The following SPATA31A6 variants were observed in gnomAD, a reference collection of about 807,000 sequenced individuals.
SPATA31A6 encodes the protein spermatogenesis-associated protein 31A6.
In SPATA31A6, 9 loss-of-function variants were observed where a neutral mutation model predicts 11.9. That is an observed-to-expected ratio of 0.76 (90% CI 0.46 to 1.32). SPATA31A6 has a LOEUF of 1.32. Ranked by LOEUF, SPATA31A6 falls within the 40% of genes most tolerant of loss-of-function variation. The pLI, the probability that SPATA31A6 is intolerant of heterozygous loss-of-function variation, is 0.00. For synonymous variants in SPATA31A6, 314 were observed against 572.1 expected, an observed-to-expected ratio of 0.55 and a Z score of 6.44; for missense variants, 855 against 1,467.3, an observed-to-expected ratio of 0.58 and a Z score of 6.82.
rs775684120 is a variant in SPATA31A6, at chr9:42,187,389, G to A, written c.1687G>A (p.Asp563Asn). 4 of 1,532,134 alleles carry A rather than the reference G, an allele frequency of 2.6e-6. 1 individual carries two copies. The South Asian group carries it at 4.7e-5, about 18-fold the overall frequency. The allele number at this position is 1,532,134 out of a possible 1,614,324, so 94.9% of individuals were successfully genotyped here. ...ACCCTCTAGGGTCCAAAAATCTCAGGACGTCTTTAGTGTCTCCACTCCTAA... is the reference window on the plus strand; with the variant it reads ...ACCCTCTAGGGTCCAAAAATCTCAGAACGTCTTTAGTGTCTCCACTCCTAA... ...ALPSRVQKSQDVFSVSTPNLP... is the reference protein window; with the variant it reads ...ALPSRVQKSQNVFSVSTPNLP... Residue 563 changes from aspartate (D) to asparagine (N), a missense_variant, in exon 4 of 4, where the codon GAC (aspartate) becomes AAC (asparagine). Transcript: ENST00000332857.
Position 42,186,998 on chromosome 9 carries a change from G to A in SPATA31A6, c.1296G>A (p.Trp432Ter). 1 of 1,546,264 alleles carries A rather than the reference G, an allele frequency of 6.5e-7. No individual in the cohort carries two copies. The highest frequency in any genetic ancestry group is 1.1e-5 in the South Asian group (1 of 87,398). ...LHSESLVANA[W>*]VTDRSYTLQS... ...GCGAGTCCCTGGTGGCTAACGCCTG[G>A]GTAACTGACAGGTCTTATACTTTAC... The change falls in exon 4 of 4, where the codon TGG (tryptophan) becomes TGA (stop). Residue 432 changes from tryptophan (W) to a stop codon, truncating the protein, a stop_gained. Transcript: ENST00000332857. LOFTEE classifies it low-confidence loss of function (END_TRUNC).
chr9:42,184,562 C>T (rs1829409703), intron 1 of SPATA31A6, among the ~76,000 whole-genome samples: 1 of 124,464 alleles, frequency 8.0e-6, no homozygotes, highest in African/African-American at 3.5e-5. Flanking sequence ...TGGAGTCTCG[C>T]TCTGTGACGC....
In SPATA31A6 at chr9:42,187,082, T is replaced by C. The variant is rs1377286658; in HGVS notation, c.1380T>C (p.Thr460=). 2 of 1,544,268 alleles carry C rather than the reference T, an allele frequency of 1.3e-6. No homozygotes were observed. Among genetic ancestry groups the C allele is most frequent in the Non-Finnish European group, 1.8e-6 (2 of 1,138,964 alleles). ...MSNVCPIQRE[T]TMSPLLFQAQ... ...ATGTCTGCCCAATTCAAAGGGAGAC[T>C]ACAATGTCCCCACTGCTTTTCCAGG... is the stretch of plus-strand genomic sequence containing the variant. The change falls in exon 4 of 4, where the codon ACT becomes ACC. Residue 460 remains threonine (T), a synonymous_variant. Transcript: ENST00000332857.
In SPATA31A6 at chr9:42,186,766, C is replaced by A; in HGVS notation, c.1064C>A (p.Thr355Asn). 6.5e-7 allele frequency: 1 copy of A among 1,529,500 alleles called. No homozygotes were observed. Among genetic ancestry groups the A allele is most frequent in the Non-Finnish European group, 8.8e-7 (1 of 1,138,022 alleles). The allele number at this position is 1,529,500 out of a possible 1,614,324, so 94.7% of individuals were successfully genotyped here. Residue 355 changes from threonine (T) to asparagine (N), a missense_variant, in exon 4 of 4, where the codon ACC becomes AAC. Thr to Asn is a moderately conservative substitution (Grantham distance 65, BLOSUM62 0). Transcript: ENST00000332857. ...GTTGGATCATTTACAAATCAAATGA[C>A]CCCAGAAAAGCACTTAAATTCTTTG... is the stretch of plus-strand genomic sequence containing the variant. ...ENVGSFTNQM[T>N]PEKHLNSLGN...
In SPATA31A6 at chr9:42,187,260, G is replaced by T. The variant is rs1237279280; in HGVS notation, c.1558G>T (p.Ala520Ser). 2.6e-6 allele frequency: 4 copies of T among 1,542,294 alleles called. 1 individual carries two copies. In the Admixed American group the frequency reaches 7.0e-5, roughly 27 times the overall value. Residue 520 changes from alanine to serine, a missense_variant, in exon 4 of 4, where the codon GCT (alanine) becomes TCT (serine). Ala to Ser is a moderately conservative substitution (Grantham distance 99). Transcript: ENST00000332857. ...ATCCCTGATTAAGAACACTGGAGTA[G>T]CTTGCCCTGCATCGCAGAATAAAGT... ...FPSLIKNTGV[A>S]CPASQNKVQA... is the part of the protein sequence containing the mutation.
At chr9:42,183,974 T>C in intron 1 of SPATA31A6, 98 bp downstream of exon 1, 1 of 1,494,292 alleles carries the variant, frequency 6.7e-7, no homozygotes, top group Non-Finnish European at 9.0e-7. Context: ...CCTTCTATGA[T>C]GGGAAGTCTC....
rs764793245 is a variant in SPATA31A6 at position 42,183,722 on chromosome 9, G to A, written c.35G>A (p.Ser12Asn). The A allele has an allele frequency of 7.2e-6, 11 of 1,535,330 alleles. 4 individuals are homozygous for A. Among genetic ancestry groups the A allele is most frequent in the Non-Finnish European group, 7.0e-6 (8 of 1,138,314 alleles). The change falls in exon 1 of 4, where the codon AGT becomes AAT. Residue 12 changes from serine (S) to asparagine (N), a missense_variant. By Grantham distance (46) the Ser-to-Asn change is conservative. Coordinates refer to ENST00000332857, the MANE Select transcript of SPATA31A6 (RefSeq NM_001145196.1). ...ENLPFPLKLL[S>N]ASSLNAPSST... The stretch of plus-strand genomic sequence containing the variant: ...CTTCCCTTTCCTTTAAAATTACTTA[G>A]TGCCTCATCGCTAAACGCCCCCAGC...
chr9:42,187,081 C>T lies in SPATA31A6; in HGVS notation c.1379C>T (p.Thr460Ile). ...AATGTCTGCCCAATTCAAAGGGAGA[C>T]TACAATGTCCCCACTGCTTTTCCAG... is the stretch of plus-strand genomic sequence containing the variant. ...MSNVCPIQRETTMSPLLFQAQ... is the reference protein window; with the variant it reads ...MSNVCPIQREITMSPLLFQAQ... The change falls in exon 4 of 4, where the codon ACT (threonine) becomes ATT (isoleucine). Residue 460 changes from threonine to isoleucine, a missense_variant. Physicochemically the swap from Thr to Ile is moderately conservative, Grantham distance 89 (BLOSUM62 -1). Coordinates refer to ENST00000332857, the MANE Select transcript of SPATA31A6 (RefSeq NM_001145196.1). The T allele has an allele frequency of 1.7e-5, 27 of 1,544,368 alleles. 6 individuals carry two copies. The highest frequency in any genetic ancestry group is 2.4e-5 in the Non-Finnish European group (27 of 1,138,944).
intron 1 of SPATA31A6, among the ~76,000 whole-genome samples, chr9:42,184,722 G>C: frequency 7.4e-6 from 1 of 135,416 alleles, no homozygotes. Flanking sequence ...GTAGAGACGG[G>C]GTTTCACCAT....
rs762811181 is a variant in SPATA31A6, at chr9:42,183,706, C to G, written c.19C>G (p.Pro7Ala). ...TATTCACATGGAGAATCTTCCCTTT[C>G]CTTTAAAATTACTTAGTGCCTCATC... is the stretch of plus-strand genomic sequence containing the variant. MENLPFPLKLLSASSLN... is the reference protein window; with the variant it reads MENLPFALKLLSASSLN... The change falls in exon 1 of 4, where the codon CCT becomes GCT. Residue 7 changes from proline to alanine, a missense_variant. Transcript: ENST00000332857. 9.1e-6 allele frequency: 14 copies of G among 1,535,510 alleles called. 2 individuals carry two copies. Among genetic ancestry groups the G allele is most frequent in the Non-Finnish European group, 1.1e-5 (12 of 1,138,284 alleles).
Position 42,188,293 on chromosome 9 carries a change from G to C in SPATA31A6, c.2591G>C (p.Ser864Thr), listed in dbSNP as rs1223061192. ...DMFLRKPPMA[S>T]LRKQVLTKAS... ...TTCCTTAGAAAGCCACCAATGGCAA[G>C]TCTGAGAAAGCAGGTGCTGACCAAA... The change falls in exon 4 of 4, where the codon AGT (serine) becomes ACT (threonine). Residue 864 changes from serine (S) to threonine (T), a missense_variant. By Grantham distance (58) the Ser-to-Thr change is moderately conservative. Coordinates refer to ENST00000332857, the MANE Select transcript of SPATA31A6 (RefSeq NM_001145196.1). The C allele has an allele frequency of 3.3e-6, 2 of 600,034 alleles. 1 individual carries two copies. The highest frequency in any genetic ancestry group is 8.4e-5 in the East Asian group (2 of 23,878). The allele number at this position is 600,034 out of a possible 1,614,324, so 37.2% of individuals were successfully genotyped here. A position where few individuals can be genotyped will look rare whatever the true frequency, so the allele number is the denominator to read the frequency against.
At chr9:42,184,153 T>A (rs1350915764) in intron 1 of SPATA31A6, among the ~76,000 whole-genome samples, 1 of 137,840 alleles carries the variant, frequency 7.3e-6, no homozygotes, top group Non-Finnish European at 1.5e-5. Context: ...GTACCAGTCA[T>A]GAGACTGGGG....
chr9:42,187,688 C>A lies in SPATA31A6; in HGVS notation c.1986C>A (p.Asp662Glu). Residue 662 changes from aspartate to glutamate, a missense_variant, in exon 4 of 4, where the codon GAC (aspartate) becomes GAA (glutamate). Physicochemically the swap from Asp to Glu is conservative, Grantham distance 45 (BLOSUM62 2). Coordinates refer to ENST00000332857, the MANE Select transcript of SPATA31A6 (RefSeq NM_001145196.1). The part of the protein sequence containing the change: ...AQKVKFQLER[D>E]LCPHLGQILG... ...AGGTGAAGTTCCAGCTAGAGAGGGA[C>A]CTGTGCCCACATCTGGGGCAAATTC... 1 of 1,520,802 alleles carries A rather than the reference C, an allele frequency of 6.6e-7. No homozygotes were observed. The highest frequency in any genetic ancestry group is 1.2e-5 in the South Asian group (1 of 85,716). The allele number at this position is 1,520,802 out of a possible 1,614,324, so 94.2% of individuals were successfully genotyped here. A position where few individuals can be genotyped will look rare whatever the true frequency, so the allele number is the denominator to read the frequency against.
At position 42,183,880 on chromosome 9, in the gene SPATA31A6, A is replaced by G; in HGVS notation, c.189+4A>G. The G allele has an allele frequency of 6.5e-7, 1 of 1,529,858 alleles. No individual in the cohort carries two copies. Among genetic ancestry groups the G allele is most frequent in the Non-Finnish European group, 8.8e-7 (1 of 1,137,008 alleles). 94.8% of individuals were successfully genotyped at this position (1,529,858 alleles called of 1,614,324 possible). A position where few individuals can be genotyped will look rare whatever the true frequency, so the allele number is the denominator to read the frequency against. On this transcript the variant is annotated splice_donor_region_variant and intron_variant, in intron 1 of 3. Transcript: ENST00000332857. Reference sequence around the variant, plus strand: ...ACCATCGCCTGGGAAGAGAAAGGTAAGGAACCCTCAGTCCCGACCCACAGA... The same window carrying G: ...ACCATCGCCTGGGAAGAGAAAGGTAGGGAACCCTCAGTCCCGACCCACAGA...
At position 42,187,360 on chromosome 9, in the gene SPATA31A6, C is replaced by A. The variant is rs1829478423; in HGVS notation, c.1658C>A (p.Ala553Asp). Residue 553 changes from alanine to aspartate, a missense_variant, in exon 4 of 4, where the codon GCT (alanine) becomes GAT (aspartate). Transcript: ENST00000332857. ...AGGAAACAACTAGAAGGTAGGTTGG[C>A]TTTACCCTCTAGGGTCCAAAAATCT... ...LLRKQLEGRL[A>D]LPSRVQKSQD... 9.1e-6 allele frequency: 14 copies of A among 1,536,652 alleles called. 3 individuals carry two copies. The highest frequency in any genetic ancestry group is 1.2e-5 in the Non-Finnish European group (14 of 1,136,638).
In SPATA31A6 at chr9:42,189,371, C is replaced by T. The variant is rs541084737; in HGVS notation, c.3669C>T (p.His1223=). The change falls in exon 4 of 4, where the codon CAC becomes CAT. Residue 1223 remains histidine, a synonymous_variant. Transcript: ENST00000332857. The part of the protein sequence containing the change: ...LDKKMSLCHA[H]HASKVNQHKQ... ...AGAAAATGTCACTTTGCCATGCGCA[C>T]CATGCCTCGAAGGTAAATCAGCACA... The T allele has an allele frequency of 1.3e-6, 2 of 1,540,418 alleles. No homozygotes were observed. Among genetic ancestry groups the T allele is most frequent in the African/African-American group, 3.1e-5 (2 of 64,342 alleles).
At position 42,183,816 on chromosome 9, in the gene SPATA31A6, C is replaced by T. The variant is rs768714104; in HGVS notation, c.129C>T (p.Leu43=). The T allele has an allele frequency of 2.0e-6, 3 of 1,534,480 alleles. 1 individual carries two copies. Among genetic ancestry groups the T allele is most frequent in the Non-Finnish European group, 2.6e-6 (3 of 1,138,170 alleles). Reference sequence around the variant, plus strand: ...CCCTGGGGTTCTTCTTCCTATTACTCCCCTACTTATCTTACTTCCATTGTG... The same window carrying T: ...CCCTGGGGTTCTTCTTCCTATTACTTCCCTACTTATCTTACTTCCATTGTG... ...VFALGFFFLL[L]PYLSYFHCDD... is the part of the protein sequence containing the mutation. Residue 43 remains leucine (L), a synonymous_variant, in exon 1 of 4, where the codon CTC becomes CTT. Coordinates refer to ENST00000332857, the MANE Select transcript of SPATA31A6 (RefSeq NM_001145196.1).
At position 42,186,764 on chromosome 9, in the gene SPATA31A6, G is replaced by A. The variant is rs1196535574; in HGVS notation, c.1062G>A (p.Met354Ile). The part of the protein sequence containing the change: ...KENVGSFTNQ[M>I]TPEKHLNSLG... ...ATGTTGGATCATTTACAAATCAAAT[G>A]ACCCCAGAAAAGCACTTAAATTCTT... Residue 354 changes from methionine to isoleucine, a missense_variant, in exon 4 of 4, where the codon ATG (methionine) becomes ATA (isoleucine). Met to Ile is a conservative substitution (Grantham distance 10). Coordinates refer to ENST00000332857, the MANE Select transcript of SPATA31A6 (RefSeq NM_001145196.1). 1 of 1,529,158 alleles carries A rather than the reference G, an allele frequency of 6.5e-7. No individual in the cohort carries two copies. 94.7% of individuals were successfully genotyped at this position (1,529,158 alleles called of 1,614,324 possible).
Position 42,183,678 on chromosome 9 carries a change from GC to G in SPATA31A6, c.-8del. On this transcript the variant is annotated 5_prime_UTR_variant, in exon 1 of 4. Transcript: ENST00000332857. Reference sequence around the variant, plus strand: ...GAGCTCAGTTGCTTGAAAGCAACGTGCCTATTCACATGGAGAATCTTCCCTT... The same window carrying G: ...GAGCTCAGTTGCTTGAAAGCAACGTGCTATTCACATGGAGAATCTTCCCTT... 1 of 1,529,996 alleles carries G rather than the reference GC, an allele frequency of 6.5e-7. No individual in the cohort carries two copies. The highest frequency in any genetic ancestry group is 1.2e-5 in the South Asian group (1 of 86,444). The allele number at this position is 1,529,996 out of a possible 1,614,324, so 94.8% of individuals were successfully genotyped here.
Sources: allele counts gnomAD v4.1 joint callset (sites outside exome capture counted in the v4.1 genomes callset), GRCh38; gene constraint gnomAD v4.1.1; transcripts MANE v1.5; gene names NCBI Gene and HGNC (gene_info 2026-07-23, HGNC 2026-07-21).